The following DLGAP2 variants were observed in gnomAD, a reference collection of about 807,000 sequenced individuals.
DLGAP2 encodes disks large-associated protein 2.
A neutral mutation model predicts 100.3 loss-of-function variants in DLGAP2; 26 were observed. The ratio of observed to expected loss-of-function variants is 0.26; its 90% CI spans 0.19 to 0.36. DLGAP2 has a LOEUF of 0.36. Ranked by LOEUF, DLGAP2 falls within the 10% of genes least tolerant of loss-of-function variation. The pLI is 1.00. For synonymous variants in DLGAP2, 886 were observed against 630.1 expected, an observed-to-expected ratio of 1.41 and a Z score of -6.08; for missense variants, 1,858 against 1,453.2, an observed-to-expected ratio of 1.28 and a Z score of -4.53.
intron 2 of DLGAP2, among the ~76,000 whole-genome samples, chr8:1,000,387 G>T (rs981668800): frequency 2.6e-5 from 4 of 151,436 alleles, no homozygotes; most frequent in Non-Finnish European, 5.9e-5. Context: ...GAAAGATCTG[G>T]GTTGGGGTGG....
At chr8:936,914 A>G (rs1180055169) in intron 2 of DLGAP2, among the ~76,000 whole-genome samples, 1 of 152,148 alleles carries the variant, frequency 6.6e-6, no homozygotes, top group Non-Finnish European at 1.5e-5. Flanking sequence ...GACCATTTTC[A>G]CAAAGCGCAC....
intron 2 of DLGAP2, among the ~76,000 whole-genome samples, chr8:1,253,872 G>A (rs1380453635): frequency 6.6e-6 from 1 of 152,360 alleles, no homozygotes; most frequent in East Asian, 1.9e-4. Flanking sequence ...CCGTGCTGCT[G>A]TGAGTACGCT....
chr8:743,152 C>T (rs1014938897), intron 1 of DLGAP2, among the ~76,000 whole-genome samples: 1 of 151,892 alleles, frequency 6.6e-6, no homozygotes, highest in Non-Finnish European at 1.5e-5. Context: ...CACAGAAGGA[C>T]AAGGGAAAAA....
At chr8:1,509,563 T>G (rs1800084585) in intron 4 of DLGAP2, among the ~76,000 whole-genome samples, 1 of 151,992 alleles carries the variant, frequency 6.6e-6, no homozygotes, top group East Asian at 1.9e-4. Context: ...GCTTTTGTGC[T>G]GTCTCGGTGT....
chr8:915,173 C>G (rs577340467), intron 2 of DLGAP2, among the ~76,000 whole-genome samples: 194 of 152,326 alleles, frequency 1.3e-3, no homozygotes, highest in African/African-American at 4.4e-3. Flanking sequence ...AAGACGTCTT[C>G]TGCAACTCAG....
intron 2 of DLGAP2, among the ~76,000 whole-genome samples, chr8:1,144,638 T>C (rs1290919529): frequency 6.6e-6 from 1 of 152,222 alleles, no homozygotes; most frequent in Non-Finnish European, 1.5e-5. Context: ...TAGGTAAATA[T>C]TAATCTCTGC....
chr8:1,501,012 A>C (rs1181307744), intron 3 of DLGAP2, among the ~76,000 whole-genome samples: 2 of 152,134 alleles, frequency 1.3e-5, no homozygotes, highest in African/African-American at 4.8e-5. Flanking sequence ...GGAACCGGGG[A>C]AAATTAGAGT....
intron 4 of DLGAP2, among the ~76,000 whole-genome samples, chr8:1,523,647 A>T (rs1468496237): frequency 9.2e-5 from 14 of 152,132 alleles, no homozygotes; most frequent in Admixed American, 9.2e-4. Flanking sequence ...GTGGTCCATA[A>T]ACATACCCCG....
intron 2 of DLGAP2, among the ~76,000 whole-genome samples, chr8:1,037,742 T>C (rs1220300679): frequency 1.3e-5 from 2 of 152,202 alleles, no homozygotes; most frequent in African/African-American, 4.8e-5. Context: ...TTTTAGCCGC[T>C]TTGGGCCGTT....
At chr8:1,483,023 C>T (rs1271304920) in intron 3 of DLGAP2, among the ~76,000 whole-genome samples, 3 of 152,230 alleles carry the variant, frequency 2.0e-5, no homozygotes, top group Non-Finnish European at 2.9e-5. Context: ...GCACTGCCTC[C>T]TCCTTGGAGC....
chr8:933,771 G>A (rs1231241258), intron 2 of DLGAP2, among the ~76,000 whole-genome samples: 1 of 10,962 alleles, frequency 9.1e-5, no homozygotes, highest in East Asian at 2.7e-3. Context: ...AGAGCCTGCT[G>A]TGGAGACACC....
At chr8:776,301 G>A (rs536052452) in intron 1 of DLGAP2, among the ~76,000 whole-genome samples, 18 of 152,124 alleles carry the variant, frequency 1.2e-4, no homozygotes, top group Admixed American at 3.9e-4. Flanking sequence ...CAAGAAACCA[G>A]CTCCTGGATT....
In DLGAP2 at chr8:1,097,874, C is replaced by T. The variant is rs372228639; in HGVS notation, c.74-160977C>T. On this transcript the variant is annotated intron_variant, in intron 2 of 14. Coordinates refer to ENST00000637795, the MANE Select transcript of DLGAP2 (RefSeq NM_001346810.2). ...TCACCGTCTGTGGCATGGAGAGGTCCCCTCCAGTGTGAGACCCACCTCCCT... is the reference window on the plus strand; with the variant it reads ...TCACCGTCTGTGGCATGGAGAGGTCTCCTCCAGTGTGAGACCCACCTCCCT... 7.2e-3 allele frequency among the ~76,000 whole-genome samples: 850 copies of T among 117,732 alleles called. 8 individuals carry two copies. The highest frequency in any genetic ancestry group is 0.016 in the East Asian group (50 of 3,042). The allele number at this position is 117,732 out of a possible 152,430, so 77.2% of individuals were successfully genotyped here. A position where few individuals can be genotyped will look rare whatever the true frequency, so the allele number is the denominator to read the frequency against.
intron 2 of DLGAP2, among the ~76,000 whole-genome samples, chr8:1,028,813 C>G (rs1210978303): frequency 6.6e-6 from 1 of 152,202 alleles, no homozygotes; most frequent in African/African-American, 2.4e-5. Context: ...ATCAGAGTTG[C>G]ATTTTCAGAA....
In DLGAP2 at chr8:1,180,914, TG is replaced by T. The variant is rs1392690870; in HGVS notation, c.74-77935del. 9.6e-4 allele frequency among the ~76,000 whole-genome samples: 131 copies of T among 135,824 alleles called. 1 individual carries two copies. The highest frequency in any genetic ancestry group is 4.0e-3 in the Middle Eastern group (1 of 248). The allele number at this position is 135,824 out of a possible 152,430, so 89.1% of individuals were successfully genotyped here. A position where few individuals can be genotyped will look rare whatever the true frequency, so the allele number is the denominator to read the frequency against. On this transcript the variant is annotated intron_variant, in intron 2 of 14. Coordinates refer to ENST00000637795, the MANE Select transcript of DLGAP2 (RefSeq NM_001346810.2). ...CAGTACACTTACTGTCGAGTGTGGG[TG>T]GCTGTGCAAGGGCAGTACACTTACT...
In DLGAP2 at chr8:1,376,604, G is replaced by T. The variant is rs192812296; in HGVS notation, c.106+117721G>T. On this transcript the variant is annotated intron_variant, in intron 3 of 14. Transcript: ENST00000637795. ...GAAGGGGGAGCCGGGTGGCAGTGGG[G>T]AGCCGGGTGACAGGGACGTGCCAGC... Among the ~76,000 whole-genome samples, 18 of 152,268 alleles carry T rather than the reference G, an allele frequency of 1.2e-4. No homozygotes were observed. The East Asian group carries it at 3.3e-3, about 28-fold the overall frequency.
chr8:1,440,551 T>C (rs1288442775), intron 3 of DLGAP2, among the ~76,000 whole-genome samples: 2 of 152,208 alleles, frequency 1.3e-5, no homozygotes, highest in East Asian at 3.8e-4. Context: ...TGTTACACAA[T>C]GCACATTTGC....
intron 3 of DLGAP2, among the ~76,000 whole-genome samples, chr8:1,491,205 A>C (rs1799374577): frequency 6.6e-6 from 1 of 151,602 alleles, no homozygotes; most frequent in African/African-American, 2.4e-5. Flanking sequence ...GAAATATGTG[A>C]CAAAAATGCT....
intron 3 of DLGAP2, among the ~76,000 whole-genome samples, chr8:1,313,407 T>A (rs971319934): frequency 2.6e-5 from 4 of 152,174 alleles, no homozygotes; most frequent in Non-Finnish European, 1.5e-5. Context: ...ACCCTCCGGT[T>A]GTCTGCACAT....
Sources: allele counts gnomAD v4.1 joint callset (sites outside exome capture counted in the v4.1 genomes callset), GRCh38; gene constraint gnomAD v4.1.1; transcripts MANE v1.5; gene names NCBI Gene and HGNC (gene_info 2026-07-23, HGNC 2026-07-21).